Variants in FSTL5 observed in about 807,000 individuals in gnomAD.
FSTL5 encodes follistatin-related protein 5.
FSTL5 carries 62 observed loss-of-function variants against 89.1 expected under a neutral mutation model. The observed-to-expected ratio is 0.70, with a 90% CI of 0.57 to 0.86. The LOEUF (loss-of-function observed/expected upper bound fraction) is 0.86. Among genes scored for constraint, FSTL5 ranks in the 40% least tolerant of loss-of-function variants. The probability of loss-of-function intolerance (pLI) is 0.00; values close to 1 mark genes in which losing one functional copy is unlikely to be tolerated. For missense variants in FSTL5, 1,057 were observed against 1,001.6 expected (o/e 1.06, Z -0.75); for synonymous variants, 383 against 346.2 (o/e 1.11, Z -1.18).
intron 4 of FSTL5, among the ~76,000 whole-genome samples, chr4:161,837,131 T>A (rs1731072110): frequency 6.6e-6 from 1 of 152,028 alleles, no homozygotes; most frequent in South Asian, 2.1e-4. Flanking sequence ...AAAATAGGGT[T>A]TAAAAAGAGT....
intron 7 of FSTL5, among the ~76,000 whole-genome samples, chr4:161,617,553 T>G (rs900186222): frequency 6.6e-6 from 1 of 151,818 alleles, no homozygotes; most frequent in African/African-American, 2.4e-5. Flanking sequence ...AGTAAGAAAA[T>G]CATACCTAGG....
At chr4:161,588,739 C>T (rs1275561882) in intron 7 of FSTL5, among the ~76,000 whole-genome samples, 1 of 152,134 alleles carries the variant, frequency 6.6e-6, no homozygotes, top group Non-Finnish European at 1.5e-5. Context: ...AACTTTACTT[C>T]CTCAACAGCT....
chr4:161,766,910 TGATAGATAGATAGATA>T (rs34991915), intron 5 of FSTL5, among the ~76,000 whole-genome samples: 105 of 106,808 alleles, frequency 9.8e-4, no homozygotes, highest in Non-Finnish European at 1.5e-3. Context: ...ATAGATCGAT[TGATAGATAGATAGATA>T]GATAGATAGA....
intron 6 of FSTL5, among the ~76,000 whole-genome samples, chr4:161,718,395 T>C (rs551215142): frequency 3.6e-4 from 55 of 152,278 alleles, no homozygotes; most frequent in African/African-American, 1.3e-3. Flanking sequence ...ATTTTTACTT[T>C]AGATCATGGA....
chr4:162,007,655 A>C (rs1403144333), intron 3 of FSTL5, among the ~76,000 whole-genome samples: 1 of 151,840 alleles, frequency 6.6e-6, no homozygotes, highest in African/African-American at 2.4e-5. Flanking sequence ...GAAATAGTAC[A>C]CTGTCAGAAG....
At chr4:162,152,916 C>G (rs1289055186) in intron 1 of FSTL5, among the ~76,000 whole-genome samples, 1 of 149,254 alleles carries the variant, frequency 6.7e-6, no homozygotes, top group Non-Finnish European at 1.5e-5. Flanking sequence ...TAGTGCCAAA[C>G]AAAAATGAAA....
intron 1 of FSTL5, among the ~76,000 whole-genome samples, chr4:162,157,201 A>C (rs1413452964): frequency 6.6e-6 from 1 of 152,146 alleles, no homozygotes. Flanking sequence ...TGAGGGATGT[A>C]AAAGTTGTGT....
chr4:161,545,322 C>G (rs2126548640), intron 8 of FSTL5, among the ~76,000 whole-genome samples: 1 of 152,098 alleles, frequency 6.6e-6, no homozygotes, highest in African/African-American at 2.4e-5. Context: ...ATTTCTGTCT[C>G]TCTCTCCCAT....
chr4:161,517,017 T>C (rs1238002884), intron 10 of FSTL5, among the ~76,000 whole-genome samples: 2 of 152,108 alleles, frequency 1.3e-5, no homozygotes, highest in South Asian at 2.1e-4. Context: ...GCCTCCTGAA[T>C]AGCTGGGATT....
chr4:162,066,282 C>A (rs1332812533), intron 2 of FSTL5, among the ~76,000 whole-genome samples: 2 of 130,698 alleles, frequency 1.5e-5, no homozygotes, highest in Non-Finnish European at 3.4e-5. Flanking sequence ...GTTCCTCCTC[C>A]TCCTCCTCCT....
intron 2 of FSTL5, among the ~76,000 whole-genome samples, chr4:162,068,170 T>C (rs943989177): frequency 3.9e-5 from 6 of 152,172 alleles, no homozygotes; most frequent in South Asian, 4.1e-4. Context: ...TAAACTTCCA[T>C]TGACGTTCTT....
chr4:161,512,206 A>C (rs1730674041), intron 10 of FSTL5, among the ~76,000 whole-genome samples: 1 of 152,090 alleles, frequency 6.6e-6, no homozygotes, highest in South Asian at 2.1e-4. Flanking sequence ...GCCTATACAA[A>C]AATAACAACG....
intron 1 of FSTL5, among the ~76,000 whole-genome samples, chr4:162,159,153 A>T (rs1257918588): frequency 6.6e-6 from 1 of 152,064 alleles, no homozygotes; most frequent in Admixed American, 6.6e-5. Flanking sequence ...CTCAAGAGAC[A>T]AAAAAACAAT....
At chr4:161,601,861 A>G (rs762899271) in intron 7 of FSTL5, among the ~76,000 whole-genome samples, 25 of 152,298 alleles carry the variant, frequency 1.6e-4, no homozygotes, top group Non-Finnish European at 3.4e-4. Flanking sequence ...TTCCAGGCAT[A>G]AACACTTTAA....
At chr4:161,906,297 A>G (rs939240417) in intron 4 of FSTL5, among the ~76,000 whole-genome samples, 3 of 152,144 alleles carry the variant, frequency 2.0e-5, no homozygotes, top group Non-Finnish European at 4.4e-5. Context: ...AGGGAGGAAC[A>G]ACGGCACCAT....
chr4:161,394,248 C>G (rs1730924847), intron 15 of FSTL5, among the ~76,000 whole-genome samples: 1 of 152,060 alleles, frequency 6.6e-6, no homozygotes, highest in African/African-American at 2.4e-5. Context: ...TGCTTCTTAA[C>G]ATTTAATTAT....
At chr4:161,815,853 C>G (rs573753179) in intron 4 of FSTL5, among the ~76,000 whole-genome samples, 1 of 151,936 alleles carries the variant, frequency 6.6e-6, no homozygotes, top group African/African-American at 2.4e-5. Context: ...ACCTAATATG[C>G]TATTGAAGGA....
intron 4 of FSTL5, among the ~76,000 whole-genome samples, chr4:161,795,225 A>AT (rs764458082): frequency 1.4e-4 from 22 of 152,118 alleles, no homozygotes; most frequent in Non-Finnish European, 5.9e-5. Context: ...ACAATGAATT[A>AT]TTTTTTAGTA....
chr4:161,788,734 T>C (rs141002944), intron 4 of FSTL5, among the ~76,000 whole-genome samples: 124 of 152,178 alleles, frequency 8.1e-4, no homozygotes, highest in African/African-American at 2.6e-3. Flanking sequence ...TCTCCAAAAA[T>C]AATATTTTAA....
Sources: allele counts gnomAD v4.1 joint callset (sites outside exome capture counted in the v4.1 genomes callset), GRCh38; gene constraint gnomAD v4.1.1; transcripts MANE v1.5; gene names NCBI Gene and HGNC (gene_info 2026-07-23, HGNC 2026-07-21).